ATF7: variants seen among roughly 807,000 people sequenced by gnomAD.
ATF7 encodes the protein activating transcription factor 7.
Under a neutral mutation model 50.4 loss-of-function variants are expected in ATF7, and 10 were observed. That is an observed-to-expected ratio of 0.20 (90% CI 0.12 to 0.34). The LOEUF is 0.34. Among genes scored for constraint, ATF7 ranks in the 10% least tolerant of loss-of-function variants. ATF7 has a pLI of 1.00. For synonymous variants in ATF7, 201 were observed against 226.4 expected (o/e 0.89, Z 1.01); for missense variants, 465 against 613.9 (o/e 0.76, Z 2.56).
At chr12:53,598,490 A>AAAAT (rs1943256193) in intron 2 of ATF7, among the ~76,000 whole-genome samples, 1 of 152,256 alleles carries the variant, frequency 6.6e-6, no homozygotes, top group Non-Finnish European at 1.5e-5. Flanking sequence ...CCTAATAACC[A>AAAAT]AAATACCAAC....
At chr12:53,587,801 T>C (rs1302630973) in intron 2 of ATF7, among the ~76,000 whole-genome samples, 1 of 130,768 alleles carries the variant, frequency 7.6e-6, no homozygotes, top group Admixed American at 8.2e-5. Flanking sequence ...TCTCTTTTGA[T>C]CCTCTATGTA....
At chr12:53,519,290 C>T (rs1026236658) in intron 11 of ATF7, among the ~76,000 whole-genome samples, 2 of 152,202 alleles carry the variant, frequency 1.3e-5, no homozygotes, top group Non-Finnish European at 2.9e-5. Context: ...ACCTCATCCA[C>T]AGGTTTATAT....
chr12:53,548,999 C>A (rs1356078418), intron 3 of ATF7, among the ~76,000 whole-genome samples: 3 of 151,498 alleles, frequency 2.0e-5, no homozygotes, highest in African/African-American at 7.3e-5. Flanking sequence ...AAATACCCCC[C>A]AAAACGGCCG....
rs550492944 is a variant in ATF7, at chr12:53,585,375, T to G, written c.48+15578A>C. Among the ~76,000 whole-genome samples, 10 of 152,244 alleles carry G rather than the reference T, an allele frequency of 6.6e-5. No homozygotes were observed. The South Asian group carries it at 2.1e-3, about 32-fold the overall frequency. ...TGATAATATGTCAATGCAGGTTCAT[T>G]GAATGTAACAAATTAGCATTGTGGT... is the stretch of plus-strand genomic sequence containing the variant. On this transcript the variant is annotated intron_variant, in intron 2 of 11. Transcript: ENST00000420353.
downstream of ATF7, among the ~76,000 whole-genome samples, chr12:53,509,214 T>C (rs1944081679): frequency 6.6e-6 from 1 of 152,154 alleles, no homozygotes; most frequent in Non-Finnish European, 1.5e-5. Flanking sequence ...TCCTAGGGTG[T>C]GCATTACTTA....
In ATF7 at chr12:53,531,869, C is replaced by T; in HGVS notation, c.802G>A (p.Val268Ile). ...CCACAACCACCATTGATTGAGGAGA[C>T]TTGGTGAGTTAGGGTGGCTTTCAGT... ...MRLKATLTHQ[V>I]SSINGGCGMV... Residue 268 changes from valine (V) to isoleucine (I), a missense_variant, in exon 9 of 12, where the codon GTC (valine) becomes ATC (isoleucine). Transcript: ENST00000420353. The T allele has an allele frequency of 6.2e-7, 1 of 1,613,598 alleles. No homozygotes were observed. Among genetic ancestry groups the T allele is most frequent in the Non-Finnish European group, 8.5e-7 (1 of 1,179,824 alleles).
intron 2 of ATF7, among the ~76,000 whole-genome samples, chr12:53,578,596 A>G (rs1942227494): frequency 6.6e-6 from 1 of 151,872 alleles, no homozygotes; most frequent in Non-Finnish European, 1.5e-5. Flanking sequence ...AGCCTGGGCA[A>G]TATCAGCAGA....
intron 4 of ATF7, chr12:53,543,077 AAACT>A: frequency 7.4e-7 from 1 of 1,348,420 alleles, no homozygotes; most frequent in Non-Finnish European, 9.5e-7. Context: ...ACCGATTATT[AAACT>A]AATACTCCCC....
chr12:53,582,432 T>C (rs2137708554), intron 2 of ATF7, among the ~76,000 whole-genome samples: 1 of 151,806 alleles, frequency 6.6e-6, no homozygotes, highest in South Asian at 2.1e-4. Context: ...GACTAGGAGT[T>C]TGAGACCAGC....
downstream of ATF7, among the ~76,000 whole-genome samples, chr12:53,511,840 C>T (rs951511377): frequency 2.6e-5 from 4 of 152,218 alleles, no homozygotes; most frequent in African/African-American, 9.6e-5. Flanking sequence ...AGGAGCTCTG[C>T]CCTGGGCCTT....
intron 2 of ATF7, among the ~76,000 whole-genome samples, chr12:53,594,417 G>C (rs750583957): frequency 3.3e-5 from 5 of 152,154 alleles, no homozygotes; most frequent in Non-Finnish European, 7.4e-5. Context: ...GGGCAGACTG[G>C]AGCAAGGATG....
intron 2 of ATF7, among the ~76,000 whole-genome samples, chr12:53,568,180 G>C (rs1177367739): frequency 6.6e-6 from 1 of 152,182 alleles, no homozygotes; most frequent in Non-Finnish European, 1.5e-5. Context: ...AATGCATTCA[G>C]AGTAGAGCAC....
At chr12:53,566,903 G>A (rs1272026444) in intron 2 of ATF7, among the ~76,000 whole-genome samples, 3 of 152,042 alleles carry the variant, frequency 2.0e-5, no homozygotes, top group Non-Finnish European at 4.4e-5. Flanking sequence ...ACAGACACAC[G>A]CCACCATGCC....
At chr12:53,577,838 C>A (rs1942185086) in intron 2 of ATF7, among the ~76,000 whole-genome samples, 1 of 151,646 alleles carries the variant, frequency 6.6e-6, no homozygotes, top group Non-Finnish European at 1.5e-5. Context: ...GACACCACAC[C>A]ATAAGAACAA....
intron 5 of ATF7, among the ~76,000 whole-genome samples, chr12:53,535,996 C>T (rs1358929242): frequency 1.3e-5 from 2 of 151,274 alleles, no homozygotes; most frequent in Non-Finnish European, 2.9e-5. Context: ...CCAGCCTGGG[C>T]ATCAGAGCAA....
intron 2 of ATF7, among the ~76,000 whole-genome samples, chr12:53,554,862 CAAAAAAAGA>C (rs1312515474): frequency 9.2e-5 from 1 of 10,840 alleles, no homozygotes; most frequent in East Asian, 5.1e-3. Context: ...GACCTTGTCT[CAAAAAAAGA>C]AAAAAAAAAA....
Position 53,515,819 on chromosome 12 carries a change from A to C in ATF7, c.*1318T>G, listed in dbSNP as rs761258149. 6 of 152,248 alleles carry C rather than the reference A, an allele frequency of 3.9e-5. No homozygotes were observed. The highest frequency in any genetic ancestry group is 5.9e-5 in the Non-Finnish European group (4 of 68,092). The allele number at this position is 152,248 out of a possible 1,614,324, so 9.4% of individuals were successfully genotyped here. ...TCAAGATCCTGGAGCACTGCATGTA[A>C]AGAGAAGAGAGAAGAAATGGGTTGA... On this transcript the variant is annotated 3_prime_UTR_variant, in exon 12 of 12. Transcript: ENST00000420353.
At chr12:53,509,761 A>G (rs929922209), downstream of ATF7, among the ~76,000 whole-genome samples, 1 of 151,920 alleles carries the variant, frequency 6.6e-6, no homozygotes, top group Non-Finnish European at 1.5e-5. Flanking sequence ...CCACCTTGGC[A>G]TCCCAAAGTG....
At chr12:53,602,401 G>C (rs1039785279) in intron 1 of ATF7, among the ~76,000 whole-genome samples, 7 of 152,180 alleles carry the variant, frequency 4.6e-5, no homozygotes, top group African/African-American at 1.7e-4. Flanking sequence ...AACTCAGAGG[G>C]TAGCTAGGTA....
Sources: gnomAD v4.1 joint callset for allele counts (sites outside exome capture counted in the v4.1 genomes callset) on GRCh38, gnomAD v4.1.1 for gene constraint, MANE v1.5 for transcripts, NCBI Gene and HGNC (gene_info 2026-07-23, HGNC 2026-07-21) for gene names.